ANXA6: variants seen among roughly 807,000 people sequenced by gnomAD.
The protein encoded by ANXA6 is 67 kDa calelectrin.
ANXA6 carries 71 observed loss-of-function variants against 95.4 expected under a neutral mutation model. The ratio of observed to expected loss-of-function variants is 0.74; its 90% CI spans 0.61 to 0.91. The LOEUF is 0.91. Ranked by LOEUF, ANXA6 falls within the 40% of genes least tolerant of loss-of-function variation. The pLI is 0.00. For missense variants in ANXA6, 830 were observed against 876.4 expected, an observed-to-expected ratio of 0.95 and a Z score of 0.67; for synonymous variants, 289 against 315.9, an observed-to-expected ratio of 0.91 and a Z score of 0.90.
At chr5:151,151,609 C>G (rs2113961045) in intron 1 of ANXA6, 1 of 152,354 alleles carries the variant, frequency 6.6e-6, no homozygotes, top group Non-Finnish European at 1.5e-5. Context: ...GCCTTAGTTT[C>G]TTCATCTCTA....
chr5:151,104,267 G>T (rs1764632974), intron 24 of ANXA6, among the ~76,000 whole-genome samples: 1 of 152,144 alleles, frequency 6.6e-6, no homozygotes, highest in Non-Finnish European at 1.5e-5. Flanking sequence ...AATTTCTTTT[G>T]TCACCCAATT....
intron 6 of ANXA6, among the ~76,000 whole-genome samples, chr5:151,136,629 C>G (rs1765671197): frequency 6.6e-6 from 1 of 152,212 alleles, no homozygotes. Flanking sequence ...TCCTTTCCAA[C>G]CCACGGCAAC....
intron 12 of ANXA6, 32 bp from the exon 13 acceptor site, chr5:151,128,271 C>T: frequency 4.4e-6 from 7 of 1,578,382 alleles, no homozygotes; most frequent in Non-Finnish European, 6.0e-6. Flanking sequence ...TTACCTCTCA[C>T]CCAGCCCTGG....
Position 151,140,149 on chromosome 5 carries a change from C to T in ANXA6, c.109+4G>A. 1 of 1,613,734 alleles carries T rather than the reference C, an allele frequency of 6.2e-7. No individual in the cohort carries two copies. Among genetic ancestry groups the T allele is most frequent in the Non-Finnish European group, 8.5e-7 (1 of 1,179,764 alleles). On this transcript the variant is annotated splice_donor_region_variant and intron_variant, in intron 3 of 25. Transcript: ENST00000354546. ...CTCAAGCTCCCATGAAGCCTGGCAC[C>T]CACCAAAGCCCTTCATGGCAGTGTA...
chr5:151,107,584 A>C (rs1289066775), intron 23 of ANXA6, among the ~76,000 whole-genome samples: 1 of 152,238 alleles, frequency 6.6e-6, no homozygotes, highest in African/African-American at 2.4e-5. Flanking sequence ...TTTATAATTG[A>C]AGGCAATTAT....
chr5:151,116,380 G>C (rs1764998569), intron 20 of ANXA6, among the ~76,000 whole-genome samples: 1 of 152,200 alleles, frequency 6.6e-6, no homozygotes, highest in Admixed American at 6.5e-5. Flanking sequence ...TGGGTGCTGG[G>C]ATCAAGGTGC....
Position 151,128,506 on chromosome 5 carries a change from A to G in ANXA6, c.919-267T>C, listed in dbSNP as rs1581999250. The G allele has an allele frequency of 1.1e-5, 5 of 440,984 alleles. No individual in the cohort carries two copies. In the East Asian group the frequency reaches 2.1e-4, roughly 19 times the overall value. 27.3% of individuals were successfully genotyped at this position (440,984 alleles called of 1,614,324 possible). On this transcript the variant is annotated intron_variant, in intron 12 of 25. Transcript: ENST00000354546. Reference sequence around the variant, plus strand: ...TTCAAGTTACCAATATGACTTTGCTACCAATATGCGGAGTTGAGAAGAGAT... The same window carrying G: ...TTCAAGTTACCAATATGACTTTGCTGCCAATATGCGGAGTTGAGAAGAGAT...
Position 151,108,542 on chromosome 5 carries a change from C to G in ANXA6, c.1693G>C (p.Glu565Gln). The change falls in exon 23 of 26, where the codon GAG becomes CAG. Residue 565 changes from glutamate (E) to glutamine (Q), a missense_variant. Glu to Gln is a conservative substitution (Grantham distance 29). Transcript: ENST00000354546. Reference sequence around the variant, plus strand: ...TCATAGTTGGTCATCTTGATGAACTCCTGGAAGACTGGCCACAAGAGAAGC... The same window carrying G: ...TCATAGTTGGTCATCTTGATGAACTGCTGGAAGACTGGCCACAAGAGAAGC... ...SYPHLRRVFQ[E>Q]FIKMTNYDVE... 6.2e-7 allele frequency: 1 copy of G among 1,613,884 alleles called. No homozygotes were observed. The highest frequency in any genetic ancestry group is 8.5e-7 in the Non-Finnish European group (1 of 1,179,816).
At chr5:151,133,692 T>C (rs530397396) in intron 8 of ANXA6, among the ~76,000 whole-genome samples, 1 of 152,380 alleles carries the variant, frequency 6.6e-6, no homozygotes, top group East Asian at 1.9e-4. Flanking sequence ...AACACCATTA[T>C]GTGGTACATG....
intron 1 of ANXA6, among the ~76,000 whole-genome samples, chr5:151,150,732 G>C (rs1415104209): frequency 6.6e-6 from 1 of 152,322 alleles, no homozygotes; most frequent in African/African-American, 2.4e-5. Flanking sequence ...TGTGTGGTGG[G>C]GGGAGGAGGG....
chr5:151,135,045 G>C (rs554534307), intron 7 of ANXA6, among the ~76,000 whole-genome samples: 10 of 152,336 alleles, frequency 6.6e-5, no homozygotes, highest in Non-Finnish European at 1.2e-4. Flanking sequence ...TCATCTGATA[G>C]AGGAAGCTTA....
Position 151,141,814 on chromosome 5 carries a change from G to A in ANXA6, c.19-1571C>T, listed in dbSNP as rs188077912. 866 of 704,370 alleles carry A rather than the reference G, an allele frequency of 1.2e-3. 9 individuals carry two copies. In the African/African-American group the frequency reaches 0.014, roughly 11 times the overall value. The allele number at this position is 704,370 out of a possible 1,614,324, so 43.6% of individuals were successfully genotyped here. A position where few individuals can be genotyped will look rare whatever the true frequency, so the allele number is the denominator to read the frequency against. On this transcript the variant is annotated intron_variant, in intron 2 of 25. Coordinates refer to ENST00000354546, the MANE Select transcript of ANXA6 (RefSeq NM_001155.5). ...AGAGACTTAAAGAGTAACACATGCC[G>A]AATACCCAGAGCAGGGCGCCTTGCA...
At chr5:151,111,723 G>C (rs1351702831) in intron 20 of ANXA6, among the ~76,000 whole-genome samples, 2 of 152,118 alleles carry the variant, frequency 1.3e-5, no homozygotes, top group African/African-American at 2.4e-5. Context: ...TGAGTAGCTG[G>C]GACTACAGGT....
At chr5:151,126,038 C>A (rs1245974822) in intron 14 of ANXA6, among the ~76,000 whole-genome samples, 2 of 152,162 alleles carry the variant, frequency 1.3e-5, no homozygotes, top group Non-Finnish European at 2.9e-5. Context: ...CTCAGGAGGA[C>A]AACCTGAAAT....
intron 1 of ANXA6, chr5:151,154,977 A>C (rs1766199407): frequency 2.0e-5 from 3 of 152,156 alleles, no homozygotes; most frequent in Non-Finnish European, 2.9e-5. Flanking sequence ...ATTAAAAAAA[A>C]AAAAAAGGGA....
intron 14 of ANXA6, among the ~76,000 whole-genome samples, chr5:151,125,888 T>C (rs1282904603): frequency 6.6e-6 from 1 of 152,130 alleles, no homozygotes; most frequent in Non-Finnish European, 1.5e-5. Context: ...AAAGGTTACA[T>C]AGCGAATAAG....
chr5:151,103,646 C>T lies in ANXA6; in HGVS notation c.1886G>A (p.Arg629His), dbSNP rs772576227. Reference protein sequence around the residue: ...EKTLTRIMVSRSEIDLLNIRR... With the variant: ...EKTLTRIMVSHSEIDLLNIRR... The stretch of plus-strand genomic sequence containing the variant: ...GATGTTGAGCAGGTCAATCTCACTG[C>T]GGGATACCATGATCCTGGTCAGAGT... Residue 629 changes from arginine to histidine, a missense_variant, in exon 25 of 26, where the codon CGC becomes CAC. Physicochemically the swap from Arg to His is conservative, Grantham distance 29. Coordinates refer to ENST00000354546, the MANE Select transcript of ANXA6 (RefSeq NM_001155.5). The T allele has an allele frequency of 2.4e-5, 39 of 1,610,900 alleles. 1 individual carries two copies. The highest frequency in any genetic ancestry group is 1.1e-4 in the South Asian group (10 of 90,270).
In ANXA6 at chr5:151,110,634, T is replaced by C; in HGVS notation, c.1583A>G (p.Glu528Gly). 2 of 1,613,098 alleles carry C rather than the reference T, an allele frequency of 1.2e-6. No homozygotes were observed. Among genetic ancestry groups the C allele is most frequent in the Non-Finnish European group, 1.7e-6 (2 of 1,179,456 alleles). The change falls in exon 21 of 26, where the codon GAG (glutamate) becomes GGG (glycine). Residue 528 changes from glutamate (E) to glycine (G), a missense_variant. Transcript: ENST00000354546. ...QAREDAQVAA[E>G]ILEIADTPSG... ...GAAGAACAGGACACTCACCAAGATC[T>C]CAGCAGCCACCTGAGAGCAGGGAGG...
chr5:151,129,731 G>A (rs1394006333), intron 11 of ANXA6, among the ~76,000 whole-genome samples: 1 of 119,498 alleles, frequency 8.4e-6, no homozygotes, highest in Non-Finnish European at 1.9e-5. Context: ...GTTTGTTTCT[G>A]AGACAGTGTC....
Sources: allele counts gnomAD v4.1 joint callset (sites outside exome capture counted in the v4.1 genomes callset), GRCh38; gene constraint gnomAD v4.1.1; transcripts MANE v1.5; gene names NCBI Gene and HGNC (gene_info 2026-07-23, HGNC 2026-07-21).